The following TRHDE variants were observed in gnomAD, a reference collection of about 807,000 sequenced individuals.
The protein encoded by TRHDE is thyrotropin releasing hormone degrading enzyme.
TRHDE carries 72 observed loss-of-function variants against 125.7 expected under a neutral mutation model. The ratio of observed to expected loss-of-function variants is 0.57; its 90% CI spans 0.47 to 0.70. The LOEUF (loss-of-function observed/expected upper bound fraction) is 0.70. TRHDE is among the 30% of genes least tolerant of loss of function. The pLI is 0.00. For missense variants in TRHDE, 1,110 were observed against 1,327.1 expected (o/e 0.84, Z 2.54); for synonymous variants, 509 against 509.1 (o/e 1.00, Z 0.00).
rs566758589 is a variant in TRHDE, at chr12:72,583,899, C to T, written c.2321+8357C>T. On this transcript the variant is annotated intron_variant, in intron 12 of 18. Coordinates refer to ENST00000261180, the MANE Select transcript of TRHDE (RefSeq NM_013381.3). ...AATCTCCTGAGGCATTAAGGGCAGG[C>T]TTGTGGCTCTAAAGGATGACAAACT... Among the ~76,000 whole-genome samples, 3 of 141,296 alleles carry T rather than the reference C, an allele frequency of 2.1e-5. No homozygotes were observed. In the South Asian group the frequency reaches 7.2e-4, roughly 34 times the overall value. The allele number at this position is 141,296 out of a possible 152,430, so 92.7% of individuals were successfully genotyped here.
intron 12 of TRHDE, among the ~76,000 whole-genome samples, chr12:72,576,211 C>G (rs184218414): frequency 5.1e-4 from 77 of 152,158 alleles, no homozygotes; most frequent in Admixed American, 1.2e-3. Flanking sequence ...TGTTTCACAG[C>G]CAAGTACAGT....
intron 2 of TRHDE, among the ~76,000 whole-genome samples, chr12:72,153,862 T>G (rs949809996): frequency 9.9e-5 from 15 of 152,210 alleles, no homozygotes; most frequent in Non-Finnish European, 1.6e-4. Context: ...CTGAAAAGAA[T>G]GTATATTCTG....
intron 3 of TRHDE, among the ~76,000 whole-genome samples, chr12:72,460,398 A>G (rs1041931377): frequency 1.3e-5 from 2 of 152,126 alleles, no homozygotes; most frequent in Admixed American, 1.3e-4. Flanking sequence ...TATGCACTGC[A>G]TTGTAATTGC....
At chr12:72,397,148 T>A (rs1294640483) in intron 3 of TRHDE, among the ~76,000 whole-genome samples, 1 of 152,260 alleles carries the variant, frequency 6.6e-6, no homozygotes, top group Admixed American at 6.5e-5. Flanking sequence ...GGCAAACCCA[T>A]GCATCAGGCT....
At chr12:72,306,793 T>C (rs1868348062) in intron 2 of TRHDE, 1 of 152,104 alleles carries the variant, frequency 6.6e-6, no homozygotes, top group South Asian at 2.1e-4. Context: ...AATGGTGATA[T>C]ATGCCAAGGA....
At position 72,668,020 on chromosome 12, in the gene TRHDE, T is replaced by C. The variant is rs570575070; in HGVS notation, c.*4825T>C. 2.0e-5 allele frequency: 3 copies of C among 151,820 alleles called. No homozygotes were observed. Among genetic ancestry groups the C allele is most frequent in the Non-Finnish European group, 3.0e-5 (2 of 67,736 alleles). The allele number at this position is 151,820 out of a possible 1,614,324, so 9.4% of individuals were successfully genotyped here. The stretch of plus-strand genomic sequence containing the variant: ...GATTAAATAATACTTGTCCTAAGCA[T>C]AATTTATTTGTTGAAATTAGTATAT... On this transcript the variant is annotated 3_prime_UTR_variant, in exon 19 of 19. Coordinates refer to ENST00000261180, the MANE Select transcript of TRHDE (RefSeq NM_013381.3).
intron 15 of TRHDE, among the ~76,000 whole-genome samples, chr12:72,624,055 A>G (rs1022855890): frequency 6.6e-6 from 1 of 152,050 alleles, no homozygotes; most frequent in Non-Finnish European, 1.5e-5. Context: ...TGCTTAACCC[A>G]CTACATGACG....
At chr12:72,569,477 T>C (rs1290804640) in intron 10 of TRHDE, among the ~76,000 whole-genome samples, 1 of 152,172 alleles carries the variant, frequency 6.6e-6, no homozygotes, top group Admixed American at 6.6e-5. Flanking sequence ...AAGCCACATA[T>C]TTTTTATTTG....
intron 3 of TRHDE, among the ~76,000 whole-genome samples, chr12:72,417,999 A>G (rs1873801672): frequency 6.6e-6 from 1 of 152,036 alleles, no homozygotes; most frequent in African/African-American, 2.4e-5. Flanking sequence ...TGTCCCAACT[A>G]TTATTTTAAA....
In TRHDE at chr12:72,538,245, T is replaced by A. The variant is rs550016125; in HGVS notation, c.1723-4046T>A. On this transcript the variant is annotated intron_variant, in intron 6 of 18. Transcript: ENST00000261180. ...ACCCACAAGTCTATTTAAATATCTC[T>A]CTCTTAAATATGGCCTACTATGGCC... Among the ~76,000 whole-genome samples the A allele has an allele frequency of 7.9e-5, 12 of 152,112 alleles. No individual in the cohort carries two copies. In the East Asian group the frequency reaches 2.3e-3, roughly 29 times the overall value.
chr12:72,349,338 A>G (rs538424264), intron 2 of TRHDE, among the ~76,000 whole-genome samples: 2 of 152,170 alleles, frequency 1.3e-5, no homozygotes, highest in South Asian at 4.1e-4. Flanking sequence ...GATGTTCTCT[A>G]TGCTTCTGAA....
chr12:72,166,907 C>CGTGTGT lies in TRHDE; in HGVS notation n.279+61196_279+61201dup, dbSNP rs59590935. On this transcript the variant is annotated intron_variant and non_coding_transcript_variant, in intron 2 of 4. Transcript: ENST00000548156. ...AATGGAAGAATAAAAGGTAGATGAA[C>CGTGTGT]GTGTGTGTGTGTGTGTGTGTGTGTG... Among the ~76,000 whole-genome samples the CGTGTGT allele has an allele frequency of 6.4e-3, 897 of 139,316 alleles. 2 individuals are homozygous for CGTGTGT. Among genetic ancestry groups the CGTGTGT allele is most frequent in the Middle Eastern group, 0.015 (4 of 272 alleles). The allele number at this position is 139,316 out of a possible 152,430, so 91.4% of individuals were successfully genotyped here.
chr12:72,323,050 A>G (rs1438218699), intron 2 of TRHDE, among the ~76,000 whole-genome samples: 2 of 152,032 alleles, frequency 1.3e-5, no homozygotes, highest in South Asian at 2.1e-4. Context: ...TGCTAAAATT[A>G]TATATATTTA....
intron 12 of TRHDE, among the ~76,000 whole-genome samples, chr12:72,586,614 C>A (rs1871449488): frequency 6.6e-6 from 1 of 152,042 alleles, no homozygotes; most frequent in Non-Finnish European, 1.5e-5. Flanking sequence ...ACATTTGAAT[C>A]ACAGATTAGA....
At chr12:72,494,732 C>G (rs1210999908) in intron 5 of TRHDE, among the ~76,000 whole-genome samples, 2 of 152,016 alleles carry the variant, frequency 1.3e-5, no homozygotes, top group African/African-American at 4.8e-5. Context: ...GTGCCTAATG[C>G]TGTGATAAGA....
Position 72,567,325 on chromosome 12 carries a change from T to A in TRHDE, c.2043-1243T>A, listed in dbSNP as rs74105908. ...TGCCCTCCAAAATGTTTTTTTTTCA[T>A]TAAGTATAGGATATAGTTTTAAAAT... is the stretch of plus-strand genomic sequence containing the variant. On this transcript the variant is annotated intron_variant, in intron 9 of 18. Coordinates refer to ENST00000261180, the MANE Select transcript of TRHDE (RefSeq NM_013381.3). 4.7e-3 allele frequency among the ~76,000 whole-genome samples: 714 copies of A among 151,944 alleles called. 11 individuals are homozygous for A. The highest frequency in any genetic ancestry group is 0.016 in the African/African-American group (685 of 41,526).
At chr12:72,211,574 G>C (rs948236505) in intron 2 of TRHDE, among the ~76,000 whole-genome samples, 1 of 152,118 alleles carries the variant, frequency 6.6e-6, no homozygotes, top group Non-Finnish European at 1.5e-5. Flanking sequence ...CAGAGGTGTT[G>C]ATAATACATA....
chr12:72,540,033 G>C (rs1384222004), intron 6 of TRHDE, among the ~76,000 whole-genome samples: 1 of 151,726 alleles, frequency 6.6e-6, no homozygotes, highest in Non-Finnish European at 1.5e-5. Context: ...AGTTTATAAT[G>C]AGCTCTGCCT....
At chr12:72,345,301 A>G (rs1171543623) in intron 2 of TRHDE, among the ~76,000 whole-genome samples, 1 of 152,092 alleles carries the variant, frequency 6.6e-6, no homozygotes, top group Non-Finnish European at 1.5e-5. Flanking sequence ...GACTTACAGT[A>G]TTTGCTGATT....
Sources: allele counts gnomAD v4.1 joint callset (sites outside exome capture counted in the v4.1 genomes callset), GRCh38; gene constraint gnomAD v4.1.1; transcripts MANE v1.5; gene names NCBI Gene and HGNC (gene_info 2026-07-23, HGNC 2026-07-21).